The following CSMD1 variants were observed in gnomAD, a reference collection of about 807,000 sequenced individuals.
CSMD1 encodes CUB and Sushi multiple domains 1.
In CSMD1, 213 loss-of-function variants were observed where a neutral mutation model predicts 417.5. That is an observed-to-expected ratio of 0.51 (90% CI 0.46 to 0.57). The LOEUF is 0.57. Ranked by LOEUF, CSMD1 falls within the 20% of genes least tolerant of loss-of-function variation. The pLI, the probability that CSMD1 is intolerant of heterozygous loss-of-function variation, is 0.00. For synonymous variants in CSMD1, 2,862 were observed against 1,736.8 expected (o/e 1.65, Z -16.11); for missense variants, 6,923 against 4,529.7 (o/e 1.53, Z -15.17).
intron 1 of CSMD1, among the ~76,000 whole-genome samples, chr8:4,725,831 G>A (rs1381962406): frequency 6.6e-6 from 1 of 152,088 alleles, no homozygotes. Context: ...TAATGTTCAC[G>A]ACGTGGCTAA....
At chr8:4,243,152 G>T (rs143274665) in intron 3 of CSMD1, among the ~76,000 whole-genome samples, 77 of 152,194 alleles carry the variant, frequency 5.1e-4, no homozygotes, top group African/African-American at 1.8e-3. Flanking sequence ...AAAAGGAGAG[G>T]AGGGAGAGTG....
intron 5 of CSMD1, among the ~76,000 whole-genome samples, chr8:3,876,273 T>C (rs1454835863): frequency 1.4e-4 from 21 of 152,312 alleles, no homozygotes; most frequent in Admixed American, 1.4e-3. Context: ...TGTTGTTTTA[T>C]TTACCTTAGA....
At chr8:3,541,099 A>C (rs1456397576) in intron 10 of CSMD1, among the ~76,000 whole-genome samples, 1 of 152,232 alleles carries the variant, frequency 6.6e-6, no homozygotes, top group Non-Finnish European at 1.5e-5. Context: ...CTGCAGCACT[A>C]TTCACAACAG....
chr8:3,884,837 G>T (rs1806446514), intron 5 of CSMD1, among the ~76,000 whole-genome samples: 1 of 151,436 alleles, frequency 6.6e-6, no homozygotes, highest in Non-Finnish European at 1.5e-5. Context: ...TTCGTCGTCA[G>T]TCTGTGTATG....
chr8:2,988,791 T>A (rs938197085), intron 54 of CSMD1, among the ~76,000 whole-genome samples: 2 of 152,198 alleles, frequency 1.3e-5, no homozygotes, highest in Non-Finnish European at 2.9e-5. Context: ...GTTTTCTAAT[T>A]GATCACAAGC....
intron 3 of CSMD1, among the ~76,000 whole-genome samples, chr8:4,344,532 AAAT>A (rs1332632766): frequency 6.6e-6 from 1 of 150,956 alleles, no homozygotes; most frequent in Non-Finnish European, 1.5e-5. Flanking sequence ...AAATATATAT[AAAT>A]AAATAGGTAT....
chr8:3,013,295 T>A (rs1382757981), intron 52 of CSMD1, among the ~76,000 whole-genome samples: 1 of 152,196 alleles, frequency 6.6e-6, no homozygotes, highest in Non-Finnish European at 1.5e-5. Context: ...GATGTACAGA[T>A]GTCAGCATGG....
chr8:4,703,123 A>T (rs763047038), intron 1 of CSMD1, among the ~76,000 whole-genome samples: 23 of 152,200 alleles, frequency 1.5e-4, no homozygotes, highest in Non-Finnish European at 2.5e-4. Flanking sequence ...ATAATATTTA[A>T]TTAGATGCAA....
chr8:3,443,145 C>T (rs943707847), intron 12 of CSMD1, among the ~76,000 whole-genome samples: 1 of 152,220 alleles, frequency 6.6e-6, no homozygotes, highest in African/African-American at 2.4e-5. Context: ...GCAGTGTACA[C>T]TGCACACCAC....
chr8:4,049,991 C>A (rs1195856309), intron 3 of CSMD1, among the ~76,000 whole-genome samples: 2 of 152,200 alleles, frequency 1.3e-5, no homozygotes, highest in African/African-American at 4.8e-5. Flanking sequence ...CTCGGACCTC[C>A]CTTGTTTTAA....
intron 10 of CSMD1, among the ~76,000 whole-genome samples, chr8:3,547,370 T>A (rs1798711729): frequency 6.6e-6 from 1 of 152,198 alleles, no homozygotes; most frequent in Non-Finnish European, 1.5e-5. Flanking sequence ...ATCAAAACCA[T>A]TTAGTTTCCA....
intron 6 of CSMD1, among the ~76,000 whole-genome samples, chr8:3,723,277 C>G (rs552516521): frequency 7.9e-5 from 12 of 152,126 alleles, no homozygotes; most frequent in Non-Finnish European, 1.6e-4. Flanking sequence ...TTCGAATCCT[C>G]CTCACACTCA....
At chr8:3,373,648 G>C (rs1263983357) in intron 18 of CSMD1, 1 of 152,108 alleles carries the variant, frequency 6.6e-6, no homozygotes, top group African/African-American at 2.4e-5. Context: ...CATTCCCTTA[G>C]CAGAGCTACA....
chr8:4,989,958 T>G (rs1388395250), intron 1 of CSMD1, among the ~76,000 whole-genome samples: 1 of 152,194 alleles, frequency 6.6e-6, no homozygotes, highest in African/African-American at 2.4e-5. Flanking sequence ...TGCTTTCGCC[T>G]GTAGAAGCTT....
chr8:4,317,151 C>A (rs1264772363), intron 3 of CSMD1, among the ~76,000 whole-genome samples: 1 of 152,104 alleles, frequency 6.6e-6, no homozygotes, highest in Admixed American at 6.5e-5. Flanking sequence ...AATAATAATC[C>A]CCAAATCCCT....
chr8:3,955,738 G>C (rs886353370), intron 5 of CSMD1, among the ~76,000 whole-genome samples: 12 of 151,138 alleles, frequency 7.9e-5, no homozygotes, highest in Non-Finnish European at 1.5e-4. Flanking sequence ...CCTCAAGTAA[G>C]AAAAAAACAG....
chr8:4,179,299 A>G (rs1798225203), intron 3 of CSMD1, among the ~76,000 whole-genome samples: 1 of 152,188 alleles, frequency 6.6e-6, no homozygotes, highest in African/African-American at 2.4e-5. Flanking sequence ...CTGATCTTTG[A>G]CAAACCTGAC....
At chr8:3,109,875 C>T (rs954920206) in intron 43 of CSMD1, among the ~76,000 whole-genome samples, 1 of 151,938 alleles carries the variant, frequency 6.6e-6, no homozygotes, top group East Asian at 1.9e-4. Context: ...ACACATCACA[C>T]ACCCATACCC....
At position 3,183,318 on chromosome 8, in the gene CSMD1, T is replaced by C. The variant is rs557824255; in HGVS notation, c.5621-2104A>G. Among the ~76,000 whole-genome samples, 4 of 145,960 alleles carry C rather than the reference T, an allele frequency of 2.7e-5. 1 individual carries two copies. Among genetic ancestry groups the C allele is most frequent in the African/African-American group, 1.0e-4 (4 of 39,768 alleles). Reference sequence around the variant, plus strand: ...CATCGAGTAGGTCTCTAACGCCTAATCTATCTATCCCTGAAATATCGAGTA... The same window carrying C: ...CATCGAGTAGGTCTCTAACGCCTAACCTATCTATCCCTGAAATATCGAGTA... On this transcript the variant is annotated intron_variant, in intron 36 of 69. Coordinates refer to ENST00000635120, the MANE Select transcript of CSMD1 (RefSeq NM_033225.6).
Sources: gnomAD v4.1 joint callset for allele counts (sites outside exome capture counted in the v4.1 genomes callset) on GRCh38, gnomAD v4.1.1 for gene constraint, MANE v1.5 for transcripts, NCBI Gene and HGNC (gene_info 2026-07-23, HGNC 2026-07-21) for gene names.